The following CACNA2D2 variants were observed in gnomAD, a reference collection of about 807,000 sequenced individuals.
CACNA2D2 encodes the protein calcium voltage-gated channel auxiliary subunit alpha2delta 2, also known as voltage-dependent calcium channel subunit alpha-2/delta-2.
In CACNA2D2, 48 loss-of-function variants were observed where a neutral mutation model predicts 166.4. The observed-to-expected ratio is 0.29, with a 90% CI of 0.23 to 0.37. CACNA2D2 has a LOEUF of 0.37. Ranked by LOEUF, CACNA2D2 falls within the 10% of genes least tolerant of loss-of-function variation. The pLI is 1.00. For missense variants in CACNA2D2, 1,122 were observed against 1,433.0 expected (o/e 0.78, Z 3.50); for synonymous variants, 561 against 573.7 (o/e 0.98, Z 0.32).
chr3:50,373,582 G>A (rs1704777293), intron 22 of CACNA2D2, among the ~76,000 whole-genome samples: 2 of 116,370 alleles, frequency 1.7e-5, no homozygotes, highest in South Asian at 3.4e-4. Context: ...GGGAGCCAGG[G>A]GGCAGAGCGG....
At chr3:50,491,262 G>C (rs776426704) in intron 1 of CACNA2D2, among the ~76,000 whole-genome samples, 1 of 152,228 alleles carries the variant, frequency 6.6e-6, no homozygotes, top group Non-Finnish European at 1.5e-5. Context: ...AGCTGCAGAA[G>C]GATCCCTTTC....
chr3:50,499,354 C>T (rs985084112), intron 1 of CACNA2D2, among the ~76,000 whole-genome samples: 3 of 152,242 alleles, frequency 2.0e-5, no homozygotes, highest in African/African-American at 4.8e-5. Context: ...GACTGGCTAC[C>T]GCCCGGCTGC....
intron 2 of CACNA2D2, among the ~76,000 whole-genome samples, chr3:50,455,998 A>G (rs539156998): frequency 2.2e-4 from 33 of 152,212 alleles, no homozygotes; most frequent in Admixed American, 1.6e-3. Context: ...GCCTCTGAGG[A>G]GGGCAGCTAT....
At chr3:50,470,245 G>C (rs1374855007) in intron 2 of CACNA2D2, among the ~76,000 whole-genome samples, 1 of 152,214 alleles carries the variant, frequency 6.6e-6, no homozygotes, top group African/African-American at 2.4e-5. Flanking sequence ...TCATTCCAGG[G>C]GGCAGGAAGA....
At chr3:50,455,819 G>A (rs1430803116) in intron 2 of CACNA2D2, among the ~76,000 whole-genome samples, 2 of 152,316 alleles carry the variant, frequency 1.3e-5, no homozygotes, top group South Asian at 4.1e-4. Flanking sequence ...CAGCAGTAGC[G>A]CAGACTAAAA....
chr3:50,404,994 T>A (rs2106775387), intron 3 of CACNA2D2, among the ~76,000 whole-genome samples: 1 of 152,284 alleles, frequency 6.6e-6, no homozygotes, highest in Non-Finnish European at 1.5e-5. Flanking sequence ...AGAGCCTGAG[T>A]CCCAGCCCAA....
In CACNA2D2 at chr3:50,365,733, A is replaced by T. The variant is rs1490136405; in HGVS notation, c.2916-45T>A. 6.2e-7 allele frequency: 1 copy of T among 1,604,054 alleles called. No individual in the cohort carries two copies. The highest frequency in any genetic ancestry group is 8.5e-7 in the Non-Finnish European group (1 of 1,175,616). On this transcript the variant is annotated intron_variant, in intron 33 of 37. Transcript: ENST00000424201. The surrounding 1 kb of genome is among the most constrained non-coding windows in gnomAD (Gnocchi z 4.5). Reference sequence around the variant, plus strand: ...GAGTGCAGGTGGTCAGCAGAGGACGATGCCATGCCCTACTTCTCTTCTGAG... The same window carrying T: ...GAGTGCAGGTGGTCAGCAGAGGACGTTGCCATGCCCTACTTCTCTTCTGAG...
intron 3 of CACNA2D2, among the ~76,000 whole-genome samples, chr3:50,423,411 T>C (rs907921092): frequency 1.2e-4 from 19 of 152,248 alleles, no homozygotes; most frequent in Non-Finnish European, 2.5e-4. Context: ...ATGGCTGCTG[T>C]GCCAGGTAGA....
intron 1 of CACNA2D2, among the ~76,000 whole-genome samples, chr3:50,480,246 C>T (rs1697987538): frequency 6.6e-6 from 1 of 152,208 alleles, no homozygotes; most frequent in African/African-American, 2.4e-5. Flanking sequence ...GGGAAAGGCA[C>T]TTCTGCCGCT....
At chr3:50,467,606 C>A (rs1709876587) in intron 2 of CACNA2D2, among the ~76,000 whole-genome samples, 1 of 152,210 alleles carries the variant, frequency 6.6e-6, no homozygotes, top group South Asian at 2.1e-4. Flanking sequence ...GCCTCTCCAT[C>A]CAGACTGCAC....
intron 3 of CACNA2D2, among the ~76,000 whole-genome samples, chr3:50,423,975 C>G (rs552387546): frequency 1.3e-5 from 2 of 152,254 alleles, no homozygotes; most frequent in Non-Finnish European, 2.9e-5. Flanking sequence ...GCCTGCCCCA[C>G]GCAATACCCC....
chr3:50,433,398 T>C (rs1289473256), intron 3 of CACNA2D2, among the ~76,000 whole-genome samples: 1 of 152,156 alleles, frequency 6.6e-6, no homozygotes, highest in Non-Finnish European at 1.5e-5. Flanking sequence ...TTTACTCTAT[T>C]GCCCAGGCTG....
At chr3:50,458,898 T>C (rs1190262750) in intron 2 of CACNA2D2, among the ~76,000 whole-genome samples, 1 of 152,224 alleles carries the variant, frequency 6.6e-6, no homozygotes, top group African/African-American at 2.4e-5. Flanking sequence ...CAGTCAGGCC[T>C]GTGCCATCCC....
rs147312416 is a variant in CACNA2D2 at position 50,447,527 on chromosome 3, G to T, written c.289-13098C>A. On this transcript the variant is annotated intron_variant, in intron 2 of 37. Coordinates refer to ENST00000424201, the MANE Select transcript of CACNA2D2 (RefSeq NM_006030.4). ...GCAGCTCTACTTCCTCCTTAGGAGGGAGAGAACTGGGAGCTAGGTTCCCCC... is the reference window on the plus strand; with the variant it reads ...GCAGCTCTACTTCCTCCTTAGGAGGTAGAGAACTGGGAGCTAGGTTCCCCC... Among the ~76,000 whole-genome samples the T allele has an allele frequency of 1.2e-3, 181 of 152,244 alleles. 1 individual carries two copies. Among genetic ancestry groups the T allele is most frequent in the African/African-American group, 4.0e-3 (167 of 41,540 alleles).
intron 2 of CACNA2D2, among the ~76,000 whole-genome samples, chr3:50,444,321 G>A (rs556113753): frequency 1.4e-4 from 21 of 152,282 alleles, no homozygotes; most frequent in Non-Finnish European, 2.9e-4. Flanking sequence ...TGTCCAAAGA[G>A]GAGACTTCCC....
intron 1 of CACNA2D2, among the ~76,000 whole-genome samples, chr3:50,495,578 G>A (rs896794638): frequency 6.6e-6 from 1 of 152,176 alleles, no homozygotes; most frequent in African/African-American, 2.4e-5. Context: ...AGAACATGTG[G>A]AGGAATCATC....
chr3:50,459,204 G>C (rs1235097416), intron 2 of CACNA2D2, among the ~76,000 whole-genome samples: 1 of 152,186 alleles, frequency 6.6e-6, no homozygotes, highest in African/African-American at 2.4e-5. Flanking sequence ...TTTGATAAAA[G>C]GGAACCCAGG....
In CACNA2D2 at chr3:50,365,026, G is replaced by A. The variant is rs2109395995; in HGVS notation, c.3208+49C>T. 1 of 1,600,492 alleles carries A rather than the reference G, an allele frequency of 6.2e-7. No individual in the cohort carries two copies. The highest frequency in any genetic ancestry group is 8.5e-7 in the Non-Finnish European group (1 of 1,173,796). ...ACGGCGGCGGCGGCACGGAGGGGGC[G>A]CGCGGGGCAGAGGGGGAGCGGGCGG... On this transcript the variant is annotated intron_variant, in intron 36 of 37. Transcript: ENST00000424201. The surrounding 1 kb of genome is among the most constrained non-coding windows in gnomAD (Gnocchi z 4.5).
chr3:50,374,834 G>A, intron 21 of CACNA2D2, 21 bp from the exon 22 acceptor site: 1 of 1,568,790 alleles, frequency 6.4e-7, no homozygotes, highest in Non-Finnish European at 8.6e-7. Context: ...AGAAGCTCGG[G>A]TCACGGCTGG....
Sources: gnomAD v4.1 joint callset for allele counts (sites outside exome capture counted in the v4.1 genomes callset) on GRCh38, gnomAD v4.1.1 for gene constraint, Gnocchi (gnomAD v3.1) non-coding constraint, MANE v1.5 for transcripts, NCBI Gene and HGNC (gene_info 2026-07-23, HGNC 2026-07-21) for gene names.